Variants in ADGRB3 observed in about 807,000 individuals in gnomAD.
ADGRB3 encodes the protein adhesion G protein-coupled receptor B3.
In ADGRB3, 37 loss-of-function variants were observed where a neutral mutation model predicts 193.4. The observed-to-expected ratio is 0.19, with a 90% CI of 0.15 to 0.25. The LOEUF (loss-of-function observed/expected upper bound fraction) is 0.25, where lower values mean the gene tolerates loss of function less well. Among genes scored for constraint, ADGRB3 ranks in the 10% least tolerant of loss-of-function variants. The probability of loss-of-function intolerance (pLI) is 1.00; values close to 1 mark genes in which losing one functional copy is unlikely to be tolerated. For missense variants in ADGRB3, 1,637 were observed against 1,852.9 expected (o/e 0.88, Z 2.14); for synonymous variants, 690 against 644.2 (o/e 1.07, Z -1.08).
intron 20 of ADGRB3, among the ~76,000 whole-genome samples, chr6:69,294,418 G>A (rs957674324): frequency 2.0e-5 from 3 of 151,990 alleles, no homozygotes; most frequent in African/African-American, 7.2e-5. Context: ...GACAGATGGA[G>A]AAAAATAGAA....
chr6:68,837,468 G>A (rs1265381081), intron 3 of ADGRB3, among the ~76,000 whole-genome samples: 1 of 151,986 alleles, frequency 6.6e-6, no homozygotes, highest in Non-Finnish European at 1.5e-5. Context: ...AGATAATATG[G>A]AAAAATTCAT....
chr6:68,769,825 A>G (rs1409488965), intron 3 of ADGRB3, among the ~76,000 whole-genome samples: 2 of 152,166 alleles, frequency 1.3e-5, no homozygotes, highest in Non-Finnish European at 2.9e-5. Flanking sequence ...TTTTCAAAAA[A>G]TAATAGATAT....
chr6:69,351,280 A>G (rs1042408869), intron 26 of ADGRB3, among the ~76,000 whole-genome samples: 2 of 151,816 alleles, frequency 1.3e-5, no homozygotes, highest in Non-Finnish European at 2.9e-5. Context: ...TTTTTAGTAG[A>G]GATGGGGTTT....
intron 3 of ADGRB3, among the ~76,000 whole-genome samples, chr6:68,698,103 T>C (rs1364490745): frequency 6.6e-6 from 1 of 151,784 alleles, no homozygotes; most frequent in Non-Finnish European, 1.5e-5. Context: ...AAACATATGG[T>C]ATTGTAACTA....
intron 26 of ADGRB3, among the ~76,000 whole-genome samples, chr6:69,351,451 A>C (rs1323794997): frequency 6.6e-6 from 1 of 152,178 alleles, no homozygotes; most frequent in African/African-American, 2.4e-5. Flanking sequence ...AATAAAGTAG[A>C]ATTTCTTATG....
intron 17 of ADGRB3, among the ~76,000 whole-genome samples, chr6:69,210,446 G>C (rs759405931): frequency 2.6e-5 from 4 of 151,820 alleles, no homozygotes; most frequent in African/African-American, 9.7e-5. Context: ...GTCTTTCCCC[G>C]CCTACGGACT....
chr6:69,241,477 A>G (rs1414360333), intron 20 of ADGRB3, among the ~76,000 whole-genome samples: 1 of 151,952 alleles, frequency 6.6e-6, no homozygotes, highest in African/African-American at 2.4e-5. Context: ...ACATGCAGCT[A>G]GTGTCTACGA....
chr6:69,111,372 C>CTATCCA (rs1773361357), intron 17 of ADGRB3, among the ~76,000 whole-genome samples: 1 of 152,164 alleles, frequency 6.6e-6, no homozygotes, highest in Admixed American at 6.5e-5. Context: ...TCTGTCTGAT[C>CTATCCA]TATCCACACT....
intron 13 of ADGRB3, among the ~76,000 whole-genome samples, chr6:69,025,265 C>T (rs1435851802): frequency 6.6e-6 from 1 of 152,010 alleles, no homozygotes; most frequent in East Asian, 1.9e-4. Context: ...CAGCACCAAA[C>T]CTATGTTCTT....
At chr6:69,144,734 A>G (rs1245536499) in intron 17 of ADGRB3, among the ~76,000 whole-genome samples, 2 of 152,160 alleles carry the variant, frequency 1.3e-5, no homozygotes, top group Admixed American at 1.3e-4. Context: ...ATGTTGAACC[A>G]TCCTTACGTC....
At chr6:69,131,415 T>C (rs1774005186) in intron 17 of ADGRB3, among the ~76,000 whole-genome samples, 1 of 151,980 alleles carries the variant, frequency 6.6e-6, no homozygotes. Flanking sequence ...TTTCTTTCTT[T>C]CTGAGACCTA....
chr6:69,306,207 G>T (rs960827672), intron 20 of ADGRB3, among the ~76,000 whole-genome samples: 1 of 151,332 alleles, frequency 6.6e-6, no homozygotes, highest in Non-Finnish European at 1.5e-5. Flanking sequence ...TTATACTGTA[G>T]AAATTTAGAA....
intron 3 of ADGRB3, among the ~76,000 whole-genome samples, chr6:68,703,967 T>A (rs1003942969): frequency 6.6e-5 from 10 of 152,170 alleles, no homozygotes; most frequent in African/African-American, 1.9e-4. Flanking sequence ...CTGCAAAATT[T>A]AATTTTAAAT....
At chr6:69,044,068 A>AAAACAG (rs1771165961) in intron 13 of ADGRB3, among the ~76,000 whole-genome samples, 1 of 152,086 alleles carries the variant, frequency 6.6e-6, no homozygotes, top group South Asian at 2.1e-4. Context: ...AACAAAAACA[A>AAAACAG]AGCAGCAGGA....
intron 3 of ADGRB3, among the ~76,000 whole-genome samples, chr6:68,891,198 A>G (rs1766066503): frequency 6.6e-6 from 1 of 152,136 alleles, no homozygotes; most frequent in Non-Finnish European, 1.5e-5. Flanking sequence ...TATTACAAGA[A>G]CAGCACGGGA....
rs3831272 is a variant in ADGRB3 at position 68,956,301 on chromosome 6, ATGTGTGTGTGTGTG to A, written c.1360+127_1360+140del. On this transcript the variant is annotated intron_variant, in intron 7 of 31. Coordinates refer to ENST00000370598, the MANE Select transcript of ADGRB3 (RefSeq NM_001704.3). The stretch of plus-strand genomic sequence containing the variant: ...GAAAGAAGATAATCATTATATATAT[ATGTGTGTGTGTGTG>A]TGTGTGTGTGTGTATACATGTATTT... 37 of 879,356 alleles carry A rather than the reference ATGTGTGTGTGTGTG, an allele frequency of 4.2e-5. No homozygotes were observed. In the African/African-American group the frequency reaches 6.0e-4, roughly 14 times the overall value. The allele number at this position is 879,356 out of a possible 1,614,324, so 54.5% of individuals were successfully genotyped here. A position where few individuals can be genotyped will look rare whatever the true frequency, so the allele number is the denominator to read the frequency against.
chr6:69,241,091 C>A (rs951388900), intron 20 of ADGRB3, among the ~76,000 whole-genome samples: 1 of 151,898 alleles, frequency 6.6e-6, no homozygotes, highest in African/African-American at 2.4e-5. Flanking sequence ...CTGTTTCATG[C>A]TGCTTGGCAA....
chr6:69,223,012 T>C (rs1362301729), intron 17 of ADGRB3, among the ~76,000 whole-genome samples: 1 of 152,120 alleles, frequency 6.6e-6, no homozygotes, highest in East Asian at 1.9e-4. Context: ...TTACATATAG[T>C]AATATTTCGT....
At chr6:68,749,051 C>A (rs939186422) in intron 3 of ADGRB3, among the ~76,000 whole-genome samples, 2 of 152,168 alleles carry the variant, frequency 1.3e-5, no homozygotes, top group African/African-American at 4.8e-5. Context: ...CCAGGCTACA[C>A]ACAGCACAGG....
Sources: gnomAD v4.1 joint callset for allele counts (sites outside exome capture counted in the v4.1 genomes callset) on GRCh38, gnomAD v4.1.1 for gene constraint, MANE v1.5 for transcripts, NCBI Gene and HGNC (gene_info 2026-07-23, HGNC 2026-07-21) for gene names.